The following COXFA4L2 variants were observed in gnomAD, a reference collection of about 807,000 sequenced individuals.
The protein encoded by COXFA4L2 is cytochrome c oxidase hypoxia associated subunit FA4L2, also known as NADH dehydrogenase (ubiquinone) 1 alpha subcomplex, 4-like 2.
chr12:57,239,943 C>T, the COXFA4L2 span: 1 of 152,368 alleles, frequency 6.6e-6, no homozygotes, highest in Non-Finnish European at 1.5e-5. This position sits in a 1 kb window ranked among gnomAD's most constrained non-coding sequence, Gnocchi z 5.5. Flanking sequence ...TGAAGCAGCC[C>T]AACAGGGCAG....
the COXFA4L2 span, chr12:57,235,282 C>G: frequency 2.3e-5 from 13 of 557,592 alleles, no homozygotes; most frequent in Non-Finnish European, 3.2e-6. Context: ...GGTAGGAGGG[C>G]AGAGGGGCTG....
the COXFA4L2 span, among the ~76,000 whole-genome samples, chr12:57,239,177 G>C: frequency 3.9e-5 from 6 of 152,240 alleles, no homozygotes; most frequent in South Asian, 4.1e-4. The surrounding 1 kb of genome is among the most constrained non-coding windows in gnomAD (Gnocchi z 5.5). Context: ...CAAAGGCAGC[G>C]GGACTCAGCG....
the COXFA4L2 span, chr12:57,236,896 A>C: frequency 7.8e-7 from 1 of 1,287,840 alleles, no homozygotes; most frequent in South Asian, 1.2e-5. Context: ...CGTTTCGGAG[A>C]GAGACTGGGG....
At chr12:57,235,363 G>A in the COXFA4L2 span, 13 of 630,924 alleles carry the variant, frequency 2.1e-5, no homozygotes, top group Non-Finnish European at 3.4e-5. Context: ...TCAAGCCAAG[G>A]GTCAGAGGCG....
At chr12:57,236,303 T>C in the COXFA4L2 span, 2 of 455,366 alleles carry the variant, frequency 4.4e-6, no homozygotes. Flanking sequence ...GACTTAGAGG[T>C]ACCCAAAAGC....
chr12:57,240,723 T>C, the COXFA4L2 span: 11 of 985,052 alleles, frequency 1.1e-5, no homozygotes, highest in Non-Finnish European at 1.2e-5. Flanking sequence ...CCGCTGGCTC[T>C]TCCTGATTTT....
chr12:57,236,052 G>A, the COXFA4L2 span: 11 of 408,356 alleles, frequency 2.7e-5, no homozygotes, highest in African/African-American at 2.0e-4. Flanking sequence ...CTGACAACGG[G>A]GCCCAGGGAC....
the COXFA4L2 span, chr12:57,237,353 A>G: frequency 9.8e-4 from 1,366 of 1,394,630 alleles, 2 homozygotes; most frequent in Non-Finnish European, 1.2e-3. Flanking sequence ...AAGGGACACC[A>G]TCATTCTTGG....
the COXFA4L2 span, among the ~76,000 whole-genome samples, chr12:57,238,553 A>G: frequency 1.3e-5 from 2 of 152,096 alleles, no homozygotes; most frequent in Non-Finnish European, 2.9e-5. This position sits in a 1 kb window ranked among gnomAD's most constrained non-coding sequence, Gnocchi z 6.8. Context: ...GGACCAAAAA[A>G]CAATCCCAGA....
chr12:57,237,312 A>C, the COXFA4L2 span: 1 of 1,419,940 alleles, frequency 7.0e-7, no homozygotes, highest in East Asian at 2.6e-5. Context: ...CTGCTCTCCG[A>C]CTCTCTCCTC....
chr12:57,237,305 C>T, the COXFA4L2 span: 2 of 1,428,098 alleles, frequency 1.4e-6, no homozygotes, highest in Middle Eastern at 1.8e-4. Flanking sequence ...GTGGTTTCTG[C>T]TCTCCGACTC....
the COXFA4L2 span, chr12:57,235,344 A>T: frequency 1.7e-6 from 1 of 596,144 alleles, no homozygotes; most frequent in African/African-American, 1.9e-5. Flanking sequence ...CTCCTCCCCC[A>T]CGTGGGACTC....
the COXFA4L2 span, among the ~76,000 whole-genome samples, chr12:57,239,336 T>C: frequency 1.3e-5 from 2 of 152,022 alleles, no homozygotes; most frequent in African/African-American, 4.8e-5. This position sits in a 1 kb window ranked among gnomAD's most constrained non-coding sequence, Gnocchi z 5.5. Context: ...GTGCCTGGAG[T>C]GTCCGTCCAC....
the COXFA4L2 span, among the ~76,000 whole-genome samples, chr12:57,238,329 C>T: frequency 2.0e-5 from 3 of 152,184 alleles, no homozygotes; most frequent in Non-Finnish European, 4.4e-5. This position sits in a 1 kb window ranked among gnomAD's most constrained non-coding sequence, Gnocchi z 6.8. Flanking sequence ...GGGCTCTCCG[C>T]CTCACTCCGG....
At chr12:57,235,170 G>A in the COXFA4L2 span, 2 of 239,254 alleles carry the variant, frequency 8.4e-6, no homozygotes, top group Non-Finnish European at 1.7e-5. Context: ...CTGGGCTAAC[G>A]TGGAGCCCGC....
chr12:57,237,069 A>G, the COXFA4L2 span: 1 of 1,614,166 alleles, frequency 6.2e-7, no homozygotes, highest in Non-Finnish European at 8.5e-7. Context: ...GCGGGCCCCA[A>G]GACTGGCTCC....
chr12:57,237,337 T>C, the COXFA4L2 span: 2 of 1,411,598 alleles, frequency 1.4e-6, no homozygotes, highest in South Asian at 1.6e-5. Flanking sequence ...TGTCTGCACC[T>C]GGACCAAGGG....
the COXFA4L2 span, chr12:57,240,703 C>T: frequency 2.6e-5 from 26 of 985,160 alleles, no homozygotes; most frequent in Non-Finnish European, 3.1e-5. Context: ...GCGATGGCAA[C>T]ACACACTCCC....
the COXFA4L2 span, chr12:57,235,654 C>A: frequency 6.2e-7 from 1 of 1,613,636 alleles, no homozygotes; most frequent in Middle Eastern, 1.7e-4. Context: ...GCGCTGAGTA[C>A]CCCAAGCCTC....
Sources: gnomAD v4.1 joint callset for allele counts (sites outside exome capture counted in the v4.1 genomes callset) on GRCh38, gnomAD v4.1.1 for gene constraint, Gnocchi (gnomAD v3.1) non-coding constraint, MANE v1.5 for transcripts, NCBI Gene and HGNC (gene_info 2026-07-23, HGNC 2026-07-21) for gene names.